LXN: variants seen among roughly 807,000 people sequenced by gnomAD.
LXN encodes the protein MUM.
Under a neutral mutation model 29.8 loss-of-function variants are expected in LXN, and 28 were observed. That is an observed-to-expected ratio of 0.94 (90% confidence interval 0.70 to 1.29). The LOEUF (loss-of-function observed/expected upper bound fraction) is 1.29. LXN is among the 50% of genes most tolerant of loss of function. The pLI, the probability that LXN is intolerant of heterozygous loss-of-function variation, is 0.00. For missense variants in LXN, 227 were observed against 261.7 expected, an observed-to-expected ratio of 0.87 and a Z score of 0.92; for synonymous variants, 77 against 89.6, an observed-to-expected ratio of 0.86 and a Z score of 0.80.
chr3:158,666,602 C>CAGT lies in LXN; in HGVS notation c.*43_*44insACT. On this transcript the variant is annotated 3_prime_UTR_variant, in exon 6 of 6. Coordinates refer to ENST00000264265, the MANE Select transcript of LXN (RefSeq NM_020169.4). ...GCTAGATGCCAGTGAAATTGGCATA[C>CAGT]ACATCAATAGACATGTTTACACTTC... 2 of 1,529,260 alleles carry CAGT rather than the reference C, an allele frequency of 1.3e-6. No homozygotes were observed. The highest frequency in any genetic ancestry group is 1.8e-6 in the Non-Finnish European group (2 of 1,105,162). The allele number at this position is 1,529,260 out of a possible 1,614,324, so 94.7% of individuals were successfully genotyped here.
Position 158,670,855 on chromosome 3 carries a change from G to C in LXN, c.192+102C>G, listed in dbSNP as rs907125253. On this transcript the variant is annotated intron_variant, in intron 2 of 5. Transcript: ENST00000264265. ...AGGCTGAGGTGGGAAGATGGCCTGA[G>C]CCCGGGAAGTTGAGGCTGCAGTGAG... 2.3e-6 allele frequency: 3 copies of C among 1,298,614 alleles called. No homozygotes were observed. In the African/African-American group the frequency reaches 4.7e-5, roughly 20 times the overall value. The allele number at this position is 1,298,614 out of a possible 1,614,324, so 80.4% of individuals were successfully genotyped here. A position where few individuals can be genotyped will look rare whatever the true frequency, so the allele number is the denominator to read the frequency against.
At position 158,671,601 on chromosome 3, in the gene LXN, A is replaced by T. The variant is rs182679909; in HGVS notation, c.130-582T>A. ...TTGAAAATTTATACCTAATTCTGTT[A>T]TCTGGTACAGTTTCAAAATAAGATC... On this transcript the variant is annotated intron_variant, in intron 1 of 5. Transcript: ENST00000264265. 6.1e-4 allele frequency among the ~76,000 whole-genome samples: 93 copies of T among 152,350 alleles called. 2 individuals carry two copies. The highest frequency in any genetic ancestry group is 5.3e-3 in the Admixed American group (81 of 15,306).
chr3:158,667,007 T>C lies in LXN; in HGVS notation c.570+5A>G. The C allele has an allele frequency of 6.3e-7, 1 of 1,596,986 alleles. No individual in the cohort carries two copies. Among genetic ancestry groups the C allele is most frequent in the South Asian group, 1.2e-5 (1 of 86,724 alleles). ...GGCATCAAATAAAGGTAAATTATAC[T>C]TTACCTGAGATGCTATATTATGAAG... On this transcript the variant is annotated splice_donor_5th_base_variant and intron_variant, in intron 5 of 5. Coordinates refer to ENST00000264265, the MANE Select transcript of LXN (RefSeq NM_020169.4).
Position 158,672,417 on chromosome 3 carries a change from A to G in LXN, c.62T>C (p.Ile21Thr). 6.2e-7 allele frequency: 1 copy of G among 1,613,920 alleles called. No individual in the cohort carries two copies. The change falls in exon 1 of 6, where the codon ATC becomes ACC. Residue 21 changes from isoleucine to threonine, a missense_variant. Ile to Thr is a moderately conservative substitution (Grantham distance 89). Coordinates refer to ENST00000264265, the MANE Select transcript of LXN (RefSeq NM_020169.4). ...GTGCGGGGTCCCCTGCTGGTAGTTG[A>G]TGTAGTTCTGTGCCACCAAGGCCGC... is the stretch of plus-strand genomic sequence containing the variant. ...SRAALVAQNY[I>T]NYQQGTPHRV...
chr3:158,667,032 G>A lies in LXN; in HGVS notation c.550C>T (p.Leu184Phe). The change falls in exon 5 of 6, where the codon CTT becomes TTT. Residue 184 changes from leucine (L) to phenylalanine (F), a missense_variant. Transcript: ENST00000264265. Reference protein sequence around the residue: ...DFIELDYTILLHNIASQEIIP... With the variant: ...DFIELDYTILFHNIASQEIIP... ...TTTACCTGAGATGCTATATTATGAAGTAGAATGGTGTAGTCTAATTCAATA... is the reference window on the plus strand; with the variant it reads ...TTTACCTGAGATGCTATATTATGAAATAGAATGGTGTAGTCTAATTCAATA... The A allele has an allele frequency of 1.3e-6, 2 of 1,595,832 alleles. No individual in the cohort carries two copies. The highest frequency in any genetic ancestry group is 2.3e-5 in the South Asian group (2 of 86,352).
chr3:158,671,784 C>G (rs896837199), intron 1 of LXN, among the ~76,000 whole-genome samples: 1 of 152,194 alleles, frequency 6.6e-6, no homozygotes, highest in Non-Finnish European at 1.5e-5. Context: ...AGAGGGTGCA[C>G]ATCATTTAAG....
intron 1 of LXN, 29 bp downstream of exon 1, chr3:158,672,321 T>C (rs2108069735): frequency 1.2e-6 from 2 of 1,611,846 alleles, no homozygotes; most frequent in African/African-American, 1.3e-5. Context: ...CTGAAGCCTC[T>C]GCTGTCCACC....
intron 4 of LXN, among the ~76,000 whole-genome samples, 192 bp from the exon 5 acceptor site, chr3:158,667,266 G>T (rs1430897432): frequency 6.6e-6 from 1 of 152,124 alleles, no homozygotes; most frequent in Non-Finnish European, 1.5e-5. Context: ...GTTCTTTCAA[G>T]ATGCATTTTA....
intron 2 of LXN, 27 bp from the exon 3 acceptor site, chr3:158,669,637 T>C (rs765727382): frequency 1.9e-6 from 3 of 1,595,612 alleles, no homozygotes; most frequent in Admixed American, 1.7e-5. Context: ...AAAATATCCT[T>C]ATATACAGAA....
intron 1 of LXN, among the ~76,000 whole-genome samples, chr3:158,671,440 G>T (rs1169569959): frequency 6.6e-6 from 1 of 152,138 alleles, no homozygotes; most frequent in African/African-American, 2.4e-5. Flanking sequence ...TCATTTTGAG[G>T]CAGATTACTG....
rs1344547401 is a variant in LXN at position 158,666,704 on chromosome 3, T to C, written c.611A>G (p.Gln204Arg). 1.2e-6 allele frequency: 2 copies of C among 1,614,066 alleles called. No homozygotes were observed. Among genetic ancestry groups the C allele is most frequent in the South Asian group, 2.2e-5 (2 of 91,080 alleles). ...ATTATGTTTTACTTTAGTGCCGTAT[T>C]GTGGATGCCAGAGAACTTGCATTTG... is the stretch of plus-strand genomic sequence containing the variant. ...PWQMQVLWHP[Q>R]YGTKVKHNSR... The change falls in exon 6 of 6, where the codon CAA (glutamine) becomes CGA (arginine). Residue 204 changes from glutamine to arginine, a missense_variant. By Grantham distance (43) the Gln-to-Arg change is conservative. Transcript: ENST00000264265.
chr3:158,666,670 C>A lies in LXN; in HGVS notation c.645G>T (p.Leu215=), dbSNP rs756172594. The A allele has an allele frequency of 2.5e-6, 4 of 1,613,874 alleles. No individual in the cohort carries two copies. Among genetic ancestry groups the A allele is most frequent in the Non-Finnish European group, 3.4e-6 (4 of 1,179,858 alleles). ...TTTATTCCAGTTGTACTTCCTTTGG[C>A]AGACGGCTATTATGTTTTACTTTAG... ...YGTKVKHNSR[L]PKEVQLE The change falls in exon 6 of 6, where the codon CTG becomes CTT. Residue 215 remains leucine, a synonymous_variant. Coordinates refer to ENST00000264265, the MANE Select transcript of LXN (RefSeq NM_020169.4).
chr3:158,668,610 G>C (rs1336068093), intron 4 of LXN, among the ~76,000 whole-genome samples: 1 of 152,220 alleles, frequency 6.6e-6, no homozygotes, highest in Non-Finnish European at 1.5e-5. Context: ...TTTTGAAAGT[G>C]CAGTCTAGAT....
At chr3:158,670,226 G>A (rs1724145534) in intron 2 of LXN, among the ~76,000 whole-genome samples, 1 of 152,166 alleles carries the variant, frequency 6.6e-6, no homozygotes, top group African/African-American at 2.4e-5. Context: ...TTTGACAGTT[G>A]TGTATAATCT....
chr3:158,671,083 A>G, intron 1 of LXN, 64 bp from the exon 2 acceptor site: 1 of 1,390,846 alleles, frequency 7.2e-7, no homozygotes, highest in Non-Finnish European at 9.4e-7. Context: ...TTGCATTGTT[A>G]GAAGTATGCA....
At chr3:158,671,167 G>C (rs1454693666) in intron 1 of LXN, 148 bp from the exon 2 acceptor site, 1 of 1,158,730 alleles carries the variant, frequency 8.6e-7, no homozygotes, top group Non-Finnish European at 1.1e-6. Flanking sequence ...ATGTCACCAT[G>C]AATGTAACAT....
At chr3:158,672,249 G>T in intron 1 of LXN, 101 bp downstream of exon 1, 1 of 1,438,986 alleles carries the variant, frequency 6.9e-7, no homozygotes, top group Non-Finnish European at 9.6e-7. Context: ...GGTGGGTAGG[G>T]GGTGGCACGG....
At position 158,668,860 on chromosome 3, in the gene LXN, T is replaced by C. The variant is rs530850738; in HGVS notation, c.507+136A>G. Reference sequence around the variant, plus strand: ...CACCTTCTCTAATCTTGATTGTACCTGACCTCCCCTTTGAAATCCCAGGTT... The same window carrying C: ...CACCTTCTCTAATCTTGATTGTACCCGACCTCCCCTTTGAAATCCCAGGTT... On this transcript the variant is annotated intron_variant, in intron 4 of 5. Coordinates refer to ENST00000264265, the MANE Select transcript of LXN (RefSeq NM_020169.4). The C allele has an allele frequency of 8.5e-6, 6 of 705,202 alleles. No homozygotes were observed. In the East Asian group the frequency reaches 1.8e-4, roughly 21 times the overall value. The allele number at this position is 705,202 out of a possible 1,614,324, so 43.7% of individuals were successfully genotyped here.
rs1723687217 is a variant in LXN at position 158,666,418 on chromosome 3, G to A, written c.*228C>T. 1.3e-6 allele frequency: 2 copies of A among 1,564,726 alleles called. No individual in the cohort carries two copies. ...ATGCAACGTAATTAAACATTATGAGGCTGAAATTGAAGCTTTTTATTTTGG... is the reference window on the plus strand; with the variant it reads ...ATGCAACGTAATTAAACATTATGAGACTGAAATTGAAGCTTTTTATTTTGG... On this transcript the variant is annotated 3_prime_UTR_variant, in exon 6 of 6. Coordinates refer to ENST00000264265, the MANE Select transcript of LXN (RefSeq NM_020169.4).
Sources: allele counts gnomAD v4.1 joint callset (sites outside exome capture counted in the v4.1 genomes callset), GRCh38; gene constraint gnomAD v4.1.1; transcripts MANE v1.5; gene names NCBI Gene and HGNC (gene_info 2026-07-23, HGNC 2026-07-21).